Variants in CTNND2 observed in about 807,000 individuals in gnomAD.
The protein encoded by CTNND2 is catenin delta-2.
Under a neutral mutation model 144.4 loss-of-function variants are expected in CTNND2, and 22 were observed. The ratio of observed to expected loss-of-function variants is 0.15; its 90% CI spans 0.11 to 0.22. CTNND2 has a LOEUF of 0.22. CTNND2 is among the 10% of genes least tolerant of loss of function. The pLI is 1.00. For synonymous variants in CTNND2, 751 were observed against 695.6 expected, an observed-to-expected ratio of 1.08 and a Z score of -1.25; for missense variants, 1,353 against 1,618.8, an observed-to-expected ratio of 0.84 and a Z score of 2.82.
intron 15 of CTNND2, among the ~76,000 whole-genome samples, chr5:11,083,556 TAAA>T (rs1749822248): frequency 6.6e-6 from 1 of 152,224 alleles, no homozygotes; most frequent in Non-Finnish European, 1.5e-5. Context: ...TGCGTCATAT[TAAA>T]ATGTCCTTGC....
chr5:11,795,034 G>C (rs1256689682), intron 1 of CTNND2, among the ~76,000 whole-genome samples: 1 of 152,008 alleles, frequency 6.6e-6, no homozygotes, highest in Non-Finnish European at 1.5e-5. Flanking sequence ...TATGCAATTG[G>C]ATAACAAACA....
intron 14 of CTNND2, among the ~76,000 whole-genome samples, chr5:11,104,967 C>T (rs1163010533): frequency 6.6e-6 from 1 of 152,224 alleles, no homozygotes; most frequent in Non-Finnish European, 1.5e-5. Context: ...CCGGTGAGCA[C>T]ACATCCCTCA....
intron 9 of CTNND2, among the ~76,000 whole-genome samples, chr5:11,277,265 A>T (rs1218225751): frequency 6.6e-6 from 1 of 152,070 alleles, no homozygotes; most frequent in African/African-American, 2.4e-5. Context: ...TAAGCTTTTG[A>T]AACTCTCCCT....
chr5:11,376,322 G>GTGCGTGTGTGTGTGTGTGTTCATGTATC (rs60937559), intron 7 of CTNND2, among the ~76,000 whole-genome samples: 4,357 of 146,136 alleles, frequency 0.03, 218 homozygotes, highest in African/African-American at 0.11. Context: ...TTGTGTGTGT[G>GTGCGTGTGTGTGTGTGTGTTCATGTATC]TGTGTGTGTG....
chr5:11,347,360 T>C (rs1382694723), intron 8 of CTNND2, among the ~76,000 whole-genome samples: 1 of 152,218 alleles, frequency 6.6e-6, no homozygotes, highest in Non-Finnish European at 1.5e-5. Context: ...CTGAAAGTAT[T>C]TGCATCTTCT....
intron 2 of CTNND2, among the ~76,000 whole-genome samples, chr5:11,709,693 C>T (rs775799562): frequency 1.3e-5 from 2 of 152,084 alleles, no homozygotes; most frequent in African/African-American, 2.4e-5. Context: ...AAACGGTAGA[C>T]AAAGTATTGA....
At chr5:11,819,216 T>C (rs1045610727) in intron 1 of CTNND2, among the ~76,000 whole-genome samples, 1 of 152,190 alleles carries the variant, frequency 6.6e-6, no homozygotes, top group African/African-American at 2.4e-5. Flanking sequence ...GGCGGATCAC[T>C]GGAAGTCAGG....
At chr5:11,171,703 A>G (rs1185779280) in intron 11 of CTNND2, among the ~76,000 whole-genome samples, 1 of 152,190 alleles carries the variant, frequency 6.6e-6, no homozygotes, top group East Asian at 1.9e-4. Flanking sequence ...AAAGTCCATC[A>G]ACTGTCAGAG....
chr5:11,262,318 G>T (rs1744944613), intron 9 of CTNND2, among the ~76,000 whole-genome samples: 1 of 152,150 alleles, frequency 6.6e-6, no homozygotes, highest in Admixed American at 6.5e-5. Flanking sequence ...TAACCAATGT[G>T]CTTTTTGCAC....
At chr5:11,427,204 A>G (rs2149865433) in intron 3 of CTNND2, among the ~76,000 whole-genome samples, 1 of 152,170 alleles carries the variant, frequency 6.6e-6, no homozygotes, top group East Asian at 1.9e-4. Flanking sequence ...ACGAGTTGAG[A>G]GCAAGACAGT....
intron 12 of CTNND2, among the ~76,000 whole-genome samples, chr5:11,158,647 T>C (rs773973421): frequency 6.6e-6 from 1 of 152,214 alleles, no homozygotes; most frequent in African/African-American, 2.4e-5. Flanking sequence ...CGATTATTAA[T>C]GCCACTGAGG....
chr5:11,180,273 G>C (rs539778465), intron 11 of CTNND2, among the ~76,000 whole-genome samples: 2 of 152,114 alleles, frequency 1.3e-5, no homozygotes, highest in African/African-American at 4.8e-5. Flanking sequence ...CTTCCGCTAC[G>C]ATTGTAAGTT....
intron 9 of CTNND2, among the ~76,000 whole-genome samples, chr5:11,333,814 C>T (rs28488740): frequency 2.8e-3 from 430 of 152,232 alleles, no homozygotes; most frequent in African/African-American, 0.01. Context: ...TTTGGACGTC[C>T]TTAGGACGTC....
chr5:11,904,403 A>G lies in CTNND2; in HGVS notation c.-550T>C, dbSNP rs1409339778. ...CGGCGGCCGGCCCGGGCGCCCGGCT[A>G]GTGAGGGAGCGTCCGCCCCGCCGCC... On this transcript the variant is annotated 5_prime_UTR_variant, in exon 1 of 22. Coordinates refer to ENST00000304623, the MANE Select transcript of CTNND2 (RefSeq NM_001332.4). The surrounding 1 kb of genome is among the most constrained non-coding windows in gnomAD (Gnocchi z 4.2). Among the ~76,000 whole-genome samples, 3 of 151,250 alleles carry G rather than the reference A, an allele frequency of 2.0e-5. No individual in the cohort carries two copies. The highest frequency in any genetic ancestry group is 3.0e-5 in the Non-Finnish European group (2 of 67,714).
At chr5:11,358,686 A>G (rs957158071) in intron 8 of CTNND2, among the ~76,000 whole-genome samples, 3 of 152,236 alleles carry the variant, frequency 2.0e-5, no homozygotes, top group Admixed American at 2.0e-4. Flanking sequence ...TGCAGGTCCT[A>G]TGTAATCCCT....
rs144501923 is a variant in CTNND2, at chr5:11,687,300, A to C, written c.174+44836T>G. ...ACCCAACTGCATTGCAAAGGCAACA[A>C]GGGGCCGTGATCATTGGCCTCCTGC... On this transcript the variant is annotated intron_variant, in intron 2 of 21. Coordinates refer to ENST00000304623, the MANE Select transcript of CTNND2 (RefSeq NM_001332.4). 3.2e-3 allele frequency among the ~76,000 whole-genome samples: 494 copies of C among 152,370 alleles called. 5 individuals carry two copies. Among genetic ancestry groups the C allele is most frequent in the African/African-American group, 0.011 (471 of 41,592 alleles).
At chr5:11,162,922 C>T (rs954304745) in intron 11 of CTNND2, among the ~76,000 whole-genome samples, 31 of 142,670 alleles carry the variant, frequency 2.2e-4, no homozygotes, top group African/African-American at 8.3e-4. Context: ...CATACAGACA[C>T]ACACACACAC....
intron 19 of CTNND2, among the ~76,000 whole-genome samples, chr5:10,990,278 AG>A (rs1182476446): frequency 2.0e-5 from 3 of 152,106 alleles, no homozygotes; most frequent in Non-Finnish European, 4.4e-5. Context: ...GAATCTGGGG[AG>A]ATGTGAGGGG....
intron 1 of CTNND2, among the ~76,000 whole-genome samples, chr5:11,733,417 C>T (rs1473201493): frequency 6.6e-6 from 1 of 152,120 alleles, no homozygotes; most frequent in African/African-American, 2.4e-5. Flanking sequence ...AAAACCCACA[C>T]ATTTGGTCAC....
Sources: gnomAD v4.1 joint callset for allele counts (sites outside exome capture counted in the v4.1 genomes callset) on GRCh38, gnomAD v4.1.1 for gene constraint, Gnocchi (gnomAD v3.1) non-coding constraint, MANE v1.5 for transcripts, NCBI Gene and HGNC (gene_info 2026-07-23, HGNC 2026-07-21) for gene names.